The following DLC1 variants were observed in gnomAD, a reference collection of about 807,000 sequenced individuals.
DLC1 encodes DLC1 Rho GTPase activating protein.
A neutral mutation model predicts 140.3 loss-of-function variants in DLC1; 54 were observed. The ratio of observed to expected loss-of-function variants is 0.38; its 90% CI spans 0.31 to 0.48. The LOEUF (loss-of-function observed/expected upper bound fraction) is 0.48, where lower values mean the gene tolerates loss of function less well. Among genes scored for constraint, DLC1 ranks in the 20% least tolerant of loss-of-function variants. The probability of loss-of-function intolerance (pLI) is 0.96; values close to 1 mark genes in which losing one functional copy is unlikely to be tolerated. For synonymous variants in DLC1, 986 were observed against 728.1 expected, an observed-to-expected ratio of 1.35 and a Z score of -5.70; for missense variants, 2,536 against 1,907.0, an observed-to-expected ratio of 1.33 and a Z score of -6.14.
At chr8:13,234,050 A>G (rs1829173900) in intron 5 of DLC1, among the ~76,000 whole-genome samples, 1 of 152,170 alleles carries the variant, frequency 6.6e-6, no homozygotes, top group Admixed American at 6.5e-5. Context: ...CCATTGAACT[A>G]TCTAGTGTCT....
At chr8:13,589,673 C>A (rs953107410) in intron 1 of DLC1, among the ~76,000 whole-genome samples, 1 of 134,020 alleles carries the variant, frequency 7.5e-6, no homozygotes, top group Non-Finnish European at 1.6e-5. Flanking sequence ...CTGCCCAGTT[C>A]TATATAGAAT....
At chr8:13,156,512 A>G (rs1824270259) in intron 5 of DLC1, among the ~76,000 whole-genome samples, 1 of 152,034 alleles carries the variant, frequency 6.6e-6, no homozygotes. Flanking sequence ...GCCTGGCAAA[A>G]CCTATCAAAT....
At chr8:13,132,981 C>G (rs757656861) in intron 5 of DLC1, 8 of 1,611,034 alleles carry the variant, frequency 5.0e-6, no homozygotes, top group Middle Eastern at 1.7e-4. Context: ...TTCTGCACAT[C>G]AAGCACGGCA....
At chr8:13,315,217 C>G (rs1303928758) in intron 4 of DLC1, among the ~76,000 whole-genome samples, 1 of 152,092 alleles carries the variant, frequency 6.6e-6, no homozygotes, top group Non-Finnish European at 1.5e-5. Context: ...GCGTTCGAGA[C>G]CAGCATGAAC....
At chr8:13,123,998 G>T (rs960325217) in intron 5 of DLC1, among the ~76,000 whole-genome samples, 2 of 152,024 alleles carry the variant, frequency 1.3e-5, no homozygotes, top group East Asian at 1.9e-4. Flanking sequence ...ATATAAACAC[G>T]TGTCTGTATA....
intron 5 of DLC1, among the ~76,000 whole-genome samples, chr8:13,124,684 C>T (rs1236001778): frequency 6.6e-6 from 1 of 152,158 alleles, no homozygotes; most frequent in Non-Finnish European, 1.5e-5. Flanking sequence ...TTTCTCTGGC[C>T]CTGTTGCTTC....
chr8:13,433,022 G>T (rs1042395007), intron 2 of DLC1, among the ~76,000 whole-genome samples: 7 of 144,874 alleles, frequency 4.8e-5, no homozygotes, highest in African/African-American at 7.7e-5. Context: ...AAAAGAGTCA[G>T]TTTGGAAGGA....
At chr8:13,204,774 G>C (rs1381917288) in intron 5 of DLC1, among the ~76,000 whole-genome samples, 38 of 152,136 alleles carry the variant, frequency 2.5e-4, no homozygotes, top group Non-Finnish European at 4.4e-5. Flanking sequence ...CACTGTGGCT[G>C]GAAATTCTGA....
intron 1 of DLC1, among the ~76,000 whole-genome samples, chr8:13,562,517 A>C (rs994286458): frequency 6.6e-6 from 1 of 152,336 alleles, no homozygotes; most frequent in Admixed American, 6.5e-5. Context: ...AATTACGCTG[A>C]GATATCATTT....
chr8:13,276,357 G>T (rs1413649542), intron 5 of DLC1: 1 of 1,523,150 alleles, frequency 6.6e-7, no homozygotes, highest in Admixed American at 2.0e-5. Context: ...CCGGAGAGGG[G>T]CTCGCAGGGG....
At chr8:13,308,648 CTT>C (rs1444473211) in intron 4 of DLC1, among the ~76,000 whole-genome samples, 1 of 152,088 alleles carries the variant, frequency 6.6e-6, no homozygotes, top group Non-Finnish European at 1.5e-5. Context: ...GCAAAGTTTT[CTT>C]CTTTGTGGAA....
chr8:13,280,792 G>C (rs1366286381), intron 5 of DLC1, among the ~76,000 whole-genome samples: 1 of 152,160 alleles, frequency 6.6e-6, no homozygotes, highest in South Asian at 2.1e-4. Flanking sequence ...CCTTTCAAAA[G>C]AATGTGAATA....
intron 4 of DLC1, among the ~76,000 whole-genome samples, chr8:13,363,311 A>ATGCATATTG (rs145572157): frequency 0.085 from 12,769 of 150,646 alleles, 765 homozygotes; most frequent in Admixed American, 0.15. Flanking sequence ...TTCTCAGAGC[A>ATGCATATTG]TGCATATTGT....
intron 4 of DLC1, among the ~76,000 whole-genome samples, chr8:13,320,114 T>A (rs1833033112): frequency 6.6e-6 from 1 of 152,162 alleles, no homozygotes; most frequent in Non-Finnish European, 1.5e-5. Context: ...CCTGGCCCAT[T>A]ATTTAATTCT....
At chr8:13,203,961 T>C (rs1418548518) in intron 5 of DLC1, among the ~76,000 whole-genome samples, 1 of 152,196 alleles carries the variant, frequency 6.6e-6, no homozygotes, top group African/African-American at 2.4e-5. Context: ...TGACAAGCCA[T>C]GCACAGACTT....
chr8:13,134,338 A>G (rs747067638), intron 5 of DLC1, among the ~76,000 whole-genome samples: 6 of 152,242 alleles, frequency 3.9e-5, no homozygotes, highest in Non-Finnish European at 7.3e-5. Context: ...AAGAGCATTT[A>G]CTATGTGCCA....
chr8:13,230,004 C>T (rs766211394), intron 5 of DLC1, among the ~76,000 whole-genome samples: 4 of 152,232 alleles, frequency 2.6e-5, no homozygotes, highest in Non-Finnish European at 5.9e-5. Context: ...TGCACAGACA[C>T]TACTGATGGA....
In DLC1 at chr8:13,498,945, A is replaced by T. The variant is rs1481231307; in HGVS notation, c.1023+104T>A. 3.6e-6 allele frequency: 5 copies of T among 1,375,770 alleles called. No homozygotes were observed. In the Admixed American group the frequency reaches 1.3e-4, roughly 37 times the overall value. The allele number at this position is 1,375,770 out of a possible 1,614,324, so 85.2% of individuals were successfully genotyped here. A position where few individuals can be genotyped will look rare whatever the true frequency, so the allele number is the denominator to read the frequency against. ...ATTACACATCTGCATAACAGGGCAA[A>T]AGAACCATCTTCATATCTTTTTAAT... On this transcript the variant is annotated intron_variant, in intron 2 of 17. Transcript: ENST00000276297.
chr8:13,397,862 G>A (rs566445169), intron 3 of DLC1, among the ~76,000 whole-genome samples: 32 of 151,746 alleles, frequency 2.1e-4, no homozygotes, highest in African/African-American at 7.7e-4. Context: ...GCCAGGTGTG[G>A]TGGCTCACGC....
Sources: allele counts gnomAD v4.1 joint callset (sites outside exome capture counted in the v4.1 genomes callset), GRCh38; gene constraint gnomAD v4.1.1; transcripts MANE v1.5; gene names NCBI Gene and HGNC (gene_info 2026-07-23, HGNC 2026-07-21).